KLF12: variants seen among roughly 807,000 people sequenced by gnomAD.
KLF12 encodes KLF transcription factor 12, also known as Krueppel-like factor 12.
Under a neutral mutation model 37.8 loss-of-function variants are expected in KLF12, and 9 were observed. The ratio of observed to expected loss-of-function variants is 0.24; its 90% confidence interval spans 0.14 to 0.42. The LOEUF (loss-of-function observed/expected upper bound fraction) is 0.42, where lower values mean the gene tolerates loss of function less well. Ranked by LOEUF, KLF12 falls within the 10% of genes least tolerant of loss-of-function variation. The pLI is 1.00. For missense variants in KLF12, 411 were observed against 516.0 expected (o/e 0.80, Z 1.97); for synonymous variants, 208 against 202.1 (o/e 1.03, Z -0.25).
chr13:74,216,158 A>C, the KLF12 span, among the ~76,000 whole-genome samples: 2 of 152,150 alleles, frequency 1.3e-5, no homozygotes, highest in Non-Finnish European at 2.9e-5. Context: ...AATTCTTTTT[A>C]TCTCTCCCAT....
At chr13:73,956,724 C>A (rs192819176) in intron 2 of KLF12, among the ~76,000 whole-genome samples, 1 of 152,030 alleles carries the variant, frequency 6.6e-6, no homozygotes, top group Admixed American at 6.6e-5. Context: ...AGTTTCAGAC[C>A]AGCCCTGGCA....
intron 5 of KLF12, among the ~76,000 whole-genome samples, chr13:73,812,210 T>C (rs1882974555): frequency 6.6e-6 from 1 of 152,106 alleles, no homozygotes; most frequent in African/African-American, 2.4e-5. Context: ...AGAGGAATGG[T>C]GGCTGCCAGA....
rs1892378161 is a variant in KLF12, at chr13:74,005,096, GAA to G, written c.-31-10045_-31-10044del. 2.6e-5 allele frequency among the ~76,000 whole-genome samples: 4 copies of G among 152,178 alleles called. No individual in the cohort carries two copies. The South Asian group carries it at 8.3e-4, about 31-fold the overall frequency. On this transcript the variant is annotated intron_variant, in intron 1 of 7. Transcript: ENST00000377669. ...TAAACAACTATAAATTACATAATTTGAAAAAGTAATTTATGCATAGTTTTGGC... is the reference window on the plus strand; with the variant it reads ...TAAACAACTATAAATTACATAATTTGAAAGTAATTTATGCATAGTTTTGGC...
chr13:73,994,135 G>A (rs1799697932), intron 2 of KLF12, among the ~76,000 whole-genome samples: 1 of 152,128 alleles, frequency 6.6e-6, no homozygotes, highest in Admixed American at 6.5e-5. Context: ...ATACAACCTT[G>A]AAAATCACTT....
At chr13:73,814,371 C>A (rs115368291) in intron 4 of KLF12, among the ~76,000 whole-genome samples, 247 of 152,296 alleles carry the variant, frequency 1.6e-3, no homozygotes, top group African/African-American at 5.7e-3. Flanking sequence ...TCATACATTA[C>A]ACCGAACCAC....
rs184510282 is a variant in KLF12 at position 73,747,843 on chromosome 13, A to G, written c.869+17095T>C. On this transcript the variant is annotated intron_variant, in intron 6 of 7. Transcript: ENST00000377669. Reference sequence around the variant, plus strand: ...AGTCTGATTTATTGATCCCTACTCTATTCTTTCTCTTTTCATTTTAAAGAT... The same window carrying G: ...AGTCTGATTTATTGATCCCTACTCTGTTCTTTCTCTTTTCATTTTAAAGAT... 3.3e-5 allele frequency among the ~76,000 whole-genome samples: 5 copies of G among 152,334 alleles called. No homozygotes were observed. The East Asian group carries it at 5.8e-4, about 18-fold the overall frequency.
At chr13:74,018,526 T>C (rs1892760117) in intron 1 of KLF12, among the ~76,000 whole-genome samples, 2 of 152,234 alleles carry the variant, frequency 1.3e-5, no homozygotes, top group Non-Finnish European at 2.9e-5. Flanking sequence ...GGTGTATATG[T>C]ACTTCAAAAC....
chr13:73,800,402 A>G (rs1249551535), intron 5 of KLF12: 1 of 152,112 alleles, frequency 6.6e-6, no homozygotes, highest in African/African-American at 2.4e-5. Flanking sequence ...CATGACTAAA[A>G]TTAGCTAAAA....
At chr13:73,900,184 A>C (rs34655827) in intron 3 of KLF12, among the ~76,000 whole-genome samples, 2,855 of 152,276 alleles carry the variant, frequency 0.019, 93 homozygotes, top group Admixed American at 0.088. Flanking sequence ...ATCTGACTGG[A>C]GATCCGGTCG....
At chr13:73,724,622 T>C (rs959215466) in intron 6 of KLF12, among the ~76,000 whole-genome samples, 3 of 152,176 alleles carry the variant, frequency 2.0e-5, no homozygotes, top group Non-Finnish European at 4.4e-5. Flanking sequence ...GCTTTTGATT[T>C]TGTTCCTGAA....
chr13:74,210,566 A>G, the KLF12 span, among the ~76,000 whole-genome samples: 1 of 152,146 alleles, frequency 6.6e-6, no homozygotes, highest in African/African-American at 2.4e-5. Flanking sequence ...TCCCCCATCT[A>G]TGCCTCTTCT....
At chr13:73,938,358 A>G (rs1483148587) in intron 3 of KLF12, among the ~76,000 whole-genome samples, 1 of 152,188 alleles carries the variant, frequency 6.6e-6, no homozygotes, top group East Asian at 1.9e-4. Flanking sequence ...TCCTGCGTTA[A>G]GTAAACATTC....
chr13:73,751,087 T>C (rs375494408), intron 6 of KLF12, among the ~76,000 whole-genome samples: 2 of 152,176 alleles, frequency 1.3e-5, no homozygotes, highest in East Asian at 3.9e-4. Flanking sequence ...TAGAAAGAAG[T>C]GAATCTAGAA....
chr13:73,837,728 A>G (rs1228178448), intron 4 of KLF12, among the ~76,000 whole-genome samples: 4 of 152,228 alleles, frequency 2.6e-5, no homozygotes, highest in Admixed American at 6.5e-5. Flanking sequence ...ACATTAAAAA[A>G]GTAAAGACCA....
the KLF12 span, among the ~76,000 whole-genome samples, chr13:74,172,555 G>A: frequency 6.6e-6 from 1 of 152,140 alleles, no homozygotes; most frequent in Non-Finnish European, 1.5e-5. Context: ...GTCATACAGT[G>A]TTGGCACAGT....
At chr13:73,777,860 G>A (rs182133802) in intron 5 of KLF12, among the ~76,000 whole-genome samples, 8 of 152,112 alleles carry the variant, frequency 5.3e-5, no homozygotes, top group Admixed American at 3.3e-4. Flanking sequence ...GCCTGGGCAC[G>A]GTGGCTCATG....
At chr13:73,894,853 T>A (rs1171675858) in intron 3 of KLF12, among the ~76,000 whole-genome samples, 1 of 152,220 alleles carries the variant, frequency 6.6e-6, no homozygotes, top group Non-Finnish European at 1.5e-5. Flanking sequence ...TTAGTATTTT[T>A]ATAAGGAATA....
At chr13:73,981,292 A>G (rs924378159) in intron 2 of KLF12, among the ~76,000 whole-genome samples, 2 of 152,174 alleles carry the variant, frequency 1.3e-5, no homozygotes, top group African/African-American at 2.4e-5. Flanking sequence ...AAAATCTTCT[A>G]TATTTGTACC....
the KLF12 span, among the ~76,000 whole-genome samples, chr13:74,202,237 G>A: frequency 6.6e-6 from 1 of 152,122 alleles, no homozygotes; most frequent in Non-Finnish European, 1.5e-5. Flanking sequence ...AGACACAGAG[G>A]GAGGGAGAAT....
Sources: allele counts gnomAD v4.1 joint callset (sites outside exome capture counted in the v4.1 genomes callset), GRCh38; gene constraint gnomAD v4.1.1; transcripts MANE v1.5; gene names NCBI Gene and HGNC (gene_info 2026-07-23, HGNC 2026-07-21).